The following HS6ST2 variants were observed in gnomAD, a reference collection of about 807,000 sequenced individuals.
HS6ST2 encodes the protein heparan-sulfate 6-O-sulfotransferase 2.
Under a neutral mutation model 33.0 loss-of-function variants are expected in HS6ST2, and 17 were observed. The ratio of observed to expected loss-of-function variants is 0.52; its 90% CI spans 0.35 to 0.77. The LOEUF is 0.77. Among genes scored for constraint, HS6ST2 ranks in the 30% least tolerant of loss-of-function variants. HS6ST2 has a pLI of 0.01. For synonymous variants in HS6ST2, 248 were observed against 237.1 expected (o/e 1.05, Z -0.42); for missense variants, 519 against 551.7 (o/e 0.94, Z 0.59).
At chrX:132,652,021 T>C (rs1226233341) in intron 4 of HS6ST2, among the ~76,000 whole-genome samples, 1 of 111,963 alleles carries the variant, frequency 8.9e-6, no homozygotes, top group Admixed American at 9.4e-5. Context: ...ACAATGAAGT[T>C]GGGCTTTTCT....
intron 2 of HS6ST2, among the ~76,000 whole-genome samples, chrX:132,721,910 C>T (rs1349755439): frequency 9.0e-5 from 10 of 111,230 alleles, no homozygotes; most frequent in African/African-American, 3.3e-4. Flanking sequence ...GAGAAACGGC[C>T]GGGCGCGGTG....
At chrX:132,747,970 AT>A (rs908725713) in intron 2 of HS6ST2, among the ~76,000 whole-genome samples, 9 of 110,682 alleles carry the variant, frequency 8.1e-5, no homozygotes, top group East Asian at 2.9e-4. Flanking sequence ...ATTTTCTTTG[AT>A]TTTTTTTTAA....
chrX:132,835,427 A>G (rs771955190), intron 2 of HS6ST2, among the ~76,000 whole-genome samples: 1 of 111,464 alleles, frequency 9.0e-6, no homozygotes, highest in African/African-American at 3.3e-5. Context: ...TCTGACCCCA[A>G]CCCAGTAAAG....
intron 3 of HS6ST2, among the ~76,000 whole-genome samples, chrX:132,702,464 A>G (rs1382077935): frequency 8.9e-6 from 1 of 112,271 alleles, no homozygotes; most frequent in Non-Finnish European, 1.9e-5. Flanking sequence ...TGTGGAACAC[A>G]TATTTGACAG....
intron 2 of HS6ST2, among the ~76,000 whole-genome samples, chrX:132,802,875 C>T (rs1043496748): frequency 9.1e-6 from 1 of 109,416 alleles, no homozygotes; most frequent in East Asian, 2.9e-4. Flanking sequence ...GGGGCTCAAA[C>T]GCTCTCCTTT....
intron 3 of HS6ST2, among the ~76,000 whole-genome samples, chrX:132,695,143 G>C (rs950640219): frequency 2.4e-4 from 27 of 111,106 alleles, no homozygotes; most frequent in African/African-American, 8.8e-4. Flanking sequence ...AAACCCATCC[G>C]CCACTTGGTA....
intron 2 of HS6ST2, among the ~76,000 whole-genome samples, chrX:132,867,679 C>T (rs751883542): frequency 1.1e-4 from 12 of 111,426 alleles, no homozygotes; most frequent in African/African-American, 1.6e-4. Flanking sequence ...TCATATCCAG[C>T]GAAACTGAGC....
intron 2 of HS6ST2, among the ~76,000 whole-genome samples, chrX:132,930,865 C>A (rs762902877): frequency 3.6e-5 from 4 of 111,681 alleles, no homozygotes; most frequent in Admixed American, 9.5e-5. Context: ...GACCTATATG[C>A]TAAACCTAAA....
rs1479106707 is a variant in HS6ST2 at position 132,769,441 on chromosome X, T to C, written c.948-60947A>G. 2.7e-5 allele frequency among the ~76,000 whole-genome samples: 3 copies of C among 111,874 alleles called. No individual in the cohort carries two copies. The East Asian group carries it at 8.4e-4, about 31-fold the overall frequency. On this transcript the variant is annotated intron_variant, in intron 2 of 4. Coordinates refer to ENST00000370833, the MANE Select transcript of HS6ST2 (RefSeq NM_001394073.1). ...AAGAAGTCAGCACACATCACCGAAA[T>C]AGACCAGTTTCCACCACCTAACAGG...
intron 2 of HS6ST2, among the ~76,000 whole-genome samples, chrX:132,847,327 A>G (rs904216697): frequency 1.8e-5 from 2 of 111,103 alleles, no homozygotes; most frequent in African/African-American, 6.5e-5. Flanking sequence ...GGTTAGCAGT[A>G]TCTCTGGACT....
intron 2 of HS6ST2, among the ~76,000 whole-genome samples, chrX:132,868,729 C>T (rs1395339695): frequency 9.0e-6 from 1 of 111,356 alleles, no homozygotes. Flanking sequence ...TCTTTGAAAC[C>T]GACGAGAACA....
At chrX:132,714,034 C>T (rs2148255899) in intron 2 of HS6ST2, among the ~76,000 whole-genome samples, 1 of 112,145 alleles carries the variant, frequency 8.9e-6, no homozygotes, top group African/African-American at 3.2e-5. Context: ...ATGACACAAT[C>T]CATAAACACG....
chrX:132,811,037 T>G (rs1365871081), intron 2 of HS6ST2, among the ~76,000 whole-genome samples: 1 of 112,704 alleles, frequency 8.9e-6, no homozygotes, highest in Non-Finnish European at 1.9e-5. Flanking sequence ...ATTAGTTTGA[T>G]GGAAGAGATG....
chrX:132,924,726 G>A (rs1227788074), intron 2 of HS6ST2, among the ~76,000 whole-genome samples: 3 of 111,715 alleles, frequency 2.7e-5, no homozygotes, highest in Non-Finnish European at 5.6e-5. Context: ...GGTGGCTTAC[G>A]TCCATAATCC....
At chrX:132,959,144 CAGAGCCCCAG>C (rs2148512085), upstream of HS6ST2, among the ~76,000 whole-genome samples, 1 of 111,737 alleles carries the variant, frequency 8.9e-6, no homozygotes, top group South Asian at 3.9e-4. Context: ...GGTCACACAG[CAGAGCCCCAG>C]GGTTTGAACC....
At chrX:132,708,531 G>T (rs759887318) in intron 2 of HS6ST2, 37 bp from the exon 3 acceptor site, 2 of 1,128,000 alleles carry the variant, frequency 1.8e-6, no homozygotes, top group East Asian at 6.2e-5. Flanking sequence ...GCTAGCAAGA[G>T]CTTGGTAGGA....
At chrX:132,766,295 A>G (rs1453353186) in intron 2 of HS6ST2, among the ~76,000 whole-genome samples, 2 of 112,465 alleles carry the variant, frequency 1.8e-5, no homozygotes, top group African/African-American at 3.2e-5. Flanking sequence ...AAAATAACAA[A>G]TTCATTTTAT....
chrX:132,887,726 T>C (rs905353512), intron 2 of HS6ST2, among the ~76,000 whole-genome samples: 20 of 112,241 alleles, frequency 1.8e-4, no homozygotes, highest in African/African-American at 5.5e-4. Flanking sequence ...TTATTCACAA[T>C]TGGAAACACT....
chrX:132,787,183 A>G (rs1196371608), intron 2 of HS6ST2, among the ~76,000 whole-genome samples: 16 of 79,277 alleles, frequency 2.0e-4, no homozygotes, highest in African/African-American at 4.5e-4. Context: ...ATATATATAT[A>G]TATACATATA....
Sources: gnomAD v4.1 joint callset for allele counts (sites outside exome capture counted in the v4.1 genomes callset) on GRCh38, gnomAD v4.1.1 for gene constraint, MANE v1.5 for transcripts, NCBI Gene and HGNC (gene_info 2026-07-23, HGNC 2026-07-21) for gene names.